The following UBR4 variants were observed in gnomAD, a reference collection of about 807,000 sequenced individuals.
The protein encoded by UBR4 is ubiquitin protein ligase E3 component n-recognin 4.
In UBR4, 124 loss-of-function variants were observed where a neutral mutation model predicts 575.6. That is an observed-to-expected ratio of 0.22 (90% confidence interval 0.19 to 0.25). The LOEUF (loss-of-function observed/expected upper bound fraction) is 0.25, where lower values mean the gene tolerates loss of function less well. Ranked by LOEUF, UBR4 falls within the 10% of genes least tolerant of loss-of-function variation. The pLI is 1.00. For synonymous variants in UBR4, 2,455 were observed against 2,473.7 expected (o/e 0.99, Z 0.22); for missense variants, 4,818 against 6,478.8 (o/e 0.74, Z 8.80).
At chr1:19,199,887 G>T in intron 2 of UBR4, 133 bp from the exon 3 acceptor site, 1 of 711,736 alleles carries the variant, frequency 1.4e-6, no homozygotes, top group Non-Finnish European at 2.4e-6. Flanking sequence ...AAACCCAAGG[G>T]GTAAACAAAG....
Position 19,156,438 on chromosome 1 carries a change from A to G in UBR4, c.5920-15T>C, listed in dbSNP as rs747019475. ...ACATGACAGTCCTGGACAATGTTTA[A>G]GAAACAAAATGGTGAAAAGATGATC... On this transcript the variant is annotated splice_polypyrimidine_tract_variant and intron_variant, in intron 41 of 105. Coordinates refer to ENST00000375254, the MANE Select transcript of UBR4 (RefSeq NM_020765.3). 1 of 1,608,572 alleles carries G rather than the reference A, an allele frequency of 6.2e-7. No individual in the cohort carries two copies. The highest frequency in any genetic ancestry group is 1.3e-5 in the African/African-American group (1 of 74,708).
At chr1:19,145,975 G>A (rs2084804182) in intron 52 of UBR4, 42 bp from the exon 53 acceptor site, 1 of 1,612,780 alleles carries the variant, frequency 6.2e-7, no homozygotes, top group Non-Finnish European at 8.5e-7. Flanking sequence ...GTAAATCTGA[G>A]ATGGAATTTA....
chr1:19,203,895 CT>C (rs112997930), intron 1 of UBR4, among the ~76,000 whole-genome samples: 9 of 152,322 alleles, frequency 5.9e-5, no homozygotes, highest in Middle Eastern at 3.4e-3. Flanking sequence ...TCAAAAGTTG[CT>C]GGTGACTAAA....
chr1:19,096,469 G>T (rs2078063179), intron 92 of UBR4, 54 bp downstream of exon 92: 2 of 1,586,188 alleles, frequency 1.3e-6, no homozygotes, highest in East Asian at 4.5e-5. Context: ...TTTCCACAGG[G>T]GCCTCTCCCA....
rs113498244 is a variant in UBR4, at chr1:19,113,889, G to C, written c.11328+56C>G. On this transcript the variant is annotated intron_variant, in intron 76 of 105. Coordinates refer to ENST00000375254, the MANE Select transcript of UBR4 (RefSeq NM_020765.3). The stretch of plus-strand genomic sequence containing the variant: ...CTAAGGTGATCTCACCTAGGAGGCA[G>C]TCTTCTGATCAAGACCCAAGCCCTT... The C allele has an allele frequency of 7.7e-3, 12,410 of 1,614,166 alleles. 67 individuals carry two copies. The highest frequency in any genetic ancestry group is 9.1e-3 in the Non-Finnish European group (10,685 of 1,179,980).
At chr1:19,200,064 G>A (rs1241028395) in intron 2 of UBR4, among the ~76,000 whole-genome samples, 1 of 152,158 alleles carries the variant, frequency 6.6e-6, no homozygotes, top group African/African-American at 2.4e-5. Flanking sequence ...TATTATCCCT[G>A]TCCATTTTTA....
chr1:19,131,455 T>C (rs971775697), intron 60 of UBR4, among the ~76,000 whole-genome samples: 1 of 152,176 alleles, frequency 6.6e-6, no homozygotes, highest in Non-Finnish European at 1.5e-5. Context: ...TTAAAACCAC[T>C]ATAGAGAATT....
chr1:19,106,444 G>C (rs2079206046), intron 83 of UBR4, 125 bp downstream of exon 83: 1 of 1,285,416 alleles, frequency 7.8e-7, no homozygotes, highest in African/African-American at 1.5e-5. Flanking sequence ...TATTTGAAAG[G>C]AAGCAAGAAG....
intron 39 of UBR4, among the ~76,000 whole-genome samples, chr1:19,158,251 C>G (rs918307076): frequency 2.0e-5 from 3 of 152,146 alleles, no homozygotes; most frequent in African/African-American, 7.2e-5. Context: ...GTTAAAATGT[C>G]CAATCTCTTA....
chr1:19,178,420 G>A lies in UBR4; in HGVS notation c.2354+631C>T, dbSNP rs184852619. The stretch of plus-strand genomic sequence containing the variant: ...AAGGGTTTCCCTCATTGCACCCCTC[G>A]ACCCTCTCAGCCTTTTTGCAAGATT... On this transcript the variant is annotated intron_variant, in intron 18 of 105. Transcript: ENST00000375254. Among the ~76,000 whole-genome samples the A allele has an allele frequency of 2.4e-4, 36 of 152,206 alleles. No individual in the cohort carries two copies. In the East Asian group the frequency reaches 5.8e-3, roughly 24 times the overall value.
chr1:19,105,657 C>T (rs1238685015), intron 84 of UBR4, 76 bp downstream of exon 84: 6 of 1,142,472 alleles, frequency 5.3e-6, no homozygotes, highest in Non-Finnish European at 7.3e-6. Flanking sequence ...TACCCTGATC[C>T]ATGGATTCCC....
intron 102 of UBR4, among the ~76,000 whole-genome samples, chr1:19,083,525 T>A (rs1030125442): frequency 6.6e-6 from 1 of 152,136 alleles, no homozygotes; most frequent in Non-Finnish European, 1.5e-5. Context: ...AGCTAAAGGA[T>A]AGTCAATCTC....
At chr1:19,086,107 T>A in intron 101 of UBR4, 38 bp downstream of exon 101, 2 of 1,608,768 alleles carry the variant, frequency 1.2e-6, no homozygotes, top group South Asian at 2.2e-5. Flanking sequence ...CCCCTGCAAA[T>A]CCCCTCCATT....
intron 3 of UBR4, 86 bp from the exon 4 acceptor site, chr1:19,199,014 C>G: frequency 2.0e-6 from 3 of 1,507,460 alleles, no homozygotes; most frequent in Non-Finnish European, 2.7e-6. Flanking sequence ...TTCTAACTGG[C>G]ACAGGGCCAA....
chr1:19,136,737 T>A (rs960042813), intron 60 of UBR4, among the ~76,000 whole-genome samples: 11 of 152,196 alleles, frequency 7.2e-5, no homozygotes, highest in Non-Finnish European at 1.3e-4. Context: ...GTAAATTTTT[T>A]AAAAAATCAT....
In UBR4 at chr1:19,184,102, C is replaced by T. The variant is rs146261737; in HGVS notation, c.2012G>A (p.Arg671Gln). Reference protein sequence around the residue: ...SMLNSRNNFIRNYLSVSLSEH... With the variant: ...SMLNSRNNFIQNYLSVSLSEH... ...TGAAAGAGATACACTCAGATAGTTTCGGATAAAATTGTTCCGAGAGTTCAG... is the reference window on the plus strand; with the variant it reads ...TGAAAGAGATACACTCAGATAGTTTTGGATAAAATTGTTCCGAGAGTTCAG... Residue 671 changes from arginine to glutamine, a missense_variant, in exon 16 of 106, where the codon CGA becomes CAA. Arg to Gln is a conservative substitution (Grantham distance 43, BLOSUM62 1). Transcript: ENST00000375254. 4.0e-4 allele frequency: 639 copies of T among 1,613,920 alleles called. 1 individual carries two copies. The highest frequency in any genetic ancestry group is 5.1e-4 in the Non-Finnish European group (604 of 1,180,006).
intron 8 of UBR4, among the ~76,000 whole-genome samples, chr1:19,195,547 T>C (rs2092399582): frequency 6.6e-6 from 1 of 152,104 alleles, no homozygotes; most frequent in Admixed American, 6.5e-5. Context: ...TGAAATCCCC[T>C]GGAAATCAAA....
chr1:19,148,121 T>C lies in UBR4; in HGVS notation c.7501A>G (p.Asn2501Asp). Reference sequence around the variant, plus strand: ...GCCAGCTCCTGAGCAGCATTCTTGTTTCTCTCCTAAGGCAAAAGACAGCAG... The same window carrying C: ...GCCAGCTCCTGAGCAGCATTCTTGTCTCTCTCCTAAGGCAAAAGACAGCAG... ...AVGPIIEKER[N>D]KNAAQELATL... Residue 2501 changes from asparagine (N) to aspartate (D), a missense_variant, in exon 51 of 106, where the codon AAC becomes GAC. By Grantham distance (23) the Asn-to-Asp change is conservative (BLOSUM62 1). This residue lies in a region of UBR4 where 340 missense variants were observed against 375.4 expected (regional missense o/e 0.91). Coordinates refer to ENST00000375254, the MANE Select transcript of UBR4 (RefSeq NM_020765.3). The C allele has an allele frequency of 1.2e-6, 2 of 1,606,272 alleles. No individual in the cohort carries two copies. The highest frequency in any genetic ancestry group is 1.7e-6 in the Non-Finnish European group (2 of 1,178,596).
chr1:19,076,311 G>A (rs540085125), intron 105 of UBR4, among the ~76,000 whole-genome samples: 1 of 152,188 alleles, frequency 6.6e-6, no homozygotes, highest in Non-Finnish European at 1.5e-5. Context: ...AGGAAGACAG[G>A]GGCATTCCAA....
Sources: gnomAD v4.1 joint callset for allele counts (sites outside exome capture counted in the v4.1 genomes callset) on GRCh38, gnomAD v4.1.1 for gene constraint, gnomAD v4.1.1 regional missense constraint, MANE v1.5 for transcripts, NCBI Gene and HGNC (gene_info 2026-07-23, HGNC 2026-07-21) for gene names.